The following CNTN5 variants were observed in gnomAD, a reference collection of about 807,000 sequenced individuals.
The protein encoded by CNTN5 is contactin-5.
In CNTN5, 77 loss-of-function variants were observed where a neutral mutation model predicts 129.1. The observed-to-expected ratio is 0.60, with a 90% CI of 0.50 to 0.72. CNTN5 has a LOEUF of 0.72. Among genes scored for constraint, CNTN5 ranks in the 30% least tolerant of loss-of-function variants. CNTN5 has a pLI of 0.00. For synonymous variants in CNTN5, 509 were observed against 465.6 expected, an observed-to-expected ratio of 1.09 and a Z score of -1.20; for missense variants, 1,478 against 1,328.8, an observed-to-expected ratio of 1.11 and a Z score of -1.75.
intron 3 of CNTN5, among the ~76,000 whole-genome samples, chr11:99,773,662 A>G (rs1945019937): frequency 6.6e-6 from 1 of 151,906 alleles, no homozygotes; most frequent in African/African-American, 2.4e-5. Flanking sequence ...ATAATTTTTT[A>G]AAGTGATAAT....
intron 2 of CNTN5, among the ~76,000 whole-genome samples, chr11:99,431,903 T>C (rs969205471): frequency 6.6e-6 from 1 of 151,892 alleles, no homozygotes; most frequent in Non-Finnish European, 1.5e-5. Flanking sequence ...GACTTGAGTA[T>C]TTAAAGCAGA....
At chr11:99,565,680 A>C (rs577206919) in intron 3 of CNTN5, among the ~76,000 whole-genome samples, 2 of 152,278 alleles carry the variant, frequency 1.3e-5, no homozygotes, top group East Asian at 3.9e-4. Context: ...AATTGCCTAC[A>C]TTCTCCTATC....
intron 2 of CNTN5, among the ~76,000 whole-genome samples, chr11:99,494,482 T>A (rs189293536): frequency 6.6e-6 from 1 of 152,286 alleles, no homozygotes; most frequent in Non-Finnish European, 1.5e-5. Context: ...TTTTTAGATA[T>A]TGAATTTAAA....
intron 1 of CNTN5, among the ~76,000 whole-genome samples, chr11:99,043,152 T>C (rs915200064): frequency 3.9e-5 from 6 of 152,212 alleles, no homozygotes; most frequent in African/African-American, 1.4e-4. Flanking sequence ...TTTTAGAATT[T>C]TGTTAAGAAT....
At chr11:99,708,245 T>G (rs1954834185) in intron 3 of CNTN5, among the ~76,000 whole-genome samples, 2 of 151,766 alleles carry the variant, frequency 1.3e-5, no homozygotes, top group South Asian at 4.1e-4. Context: ...GAATTTAAAT[T>G]TTCAGACCTT....
At chr11:100,270,440 C>T (rs972510810) in intron 17 of CNTN5, among the ~76,000 whole-genome samples, 1 of 152,160 alleles carries the variant, frequency 6.6e-6, no homozygotes, top group Non-Finnish European at 1.5e-5. Flanking sequence ...TGTTTAGAAA[C>T]ATTTCCTAGA....
rs148424898 is a variant in CNTN5 at position 100,044,908 on chromosome 11, G to T, written c.981-16304G>T. Among the ~76,000 whole-genome samples the T allele has an allele frequency of 1.2e-3, 177 of 152,202 alleles. 1 individual carries two copies. Among genetic ancestry groups the T allele is most frequent in the African/African-American group, 4.1e-3 (172 of 41,544 alleles). On this transcript the variant is annotated intron_variant, in intron 9 of 24. Transcript: ENST00000524871. Reference sequence around the variant, plus strand: ...AGGAGTTAATAAACATAGTGAGACTGCTCACCCTGACAATTGACTACATAA... The same window carrying T: ...AGGAGTTAATAAACATAGTGAGACTTCTCACCCTGACAATTGACTACATAA...
intron 3 of CNTN5, among the ~76,000 whole-genome samples, chr11:99,806,617 GC>G (rs1401393817): frequency 6.6e-6 from 1 of 151,990 alleles, no homozygotes; most frequent in African/African-American, 2.4e-5. Flanking sequence ...GACCAGCTTG[GC>G]CAACATGGTG....
intron 9 of CNTN5, among the ~76,000 whole-genome samples, chr11:100,045,215 G>A (rs1942604996): frequency 6.6e-6 from 1 of 152,000 alleles, no homozygotes; most frequent in Non-Finnish European, 1.5e-5. Flanking sequence ...AAATAAAGTA[G>A]CTTAAAATGG....
chr11:100,319,238 C>T (rs570022893), intron 21 of CNTN5, among the ~76,000 whole-genome samples: 15 of 151,818 alleles, frequency 9.9e-5, no homozygotes, highest in East Asian at 9.7e-4. Flanking sequence ...CTGCAACCTC[C>T]GCCTCCTGGG....
intron 6 of CNTN5, among the ~76,000 whole-genome samples, chr11:99,876,346 T>A (rs1948632651): frequency 6.6e-6 from 1 of 152,176 alleles, no homozygotes. Flanking sequence ...TACTGATATA[T>A]GCCCCTGATA....
At chr11:99,508,501 A>G (rs1042223302) in intron 2 of CNTN5, among the ~76,000 whole-genome samples, 1 of 152,142 alleles carries the variant, frequency 6.6e-6, no homozygotes, top group African/African-American at 2.4e-5. Context: ...CTACCATTTC[A>G]TACAAGCGAC....
chr11:100,296,843 T>A (rs867652873), intron 18 of CNTN5, among the ~76,000 whole-genome samples: 2 of 151,632 alleles, frequency 1.3e-5, no homozygotes, highest in South Asian at 4.2e-4. Context: ...TTAAAAATGA[T>A]ATGCCGGAAT....
At chr11:99,871,993 T>C (rs1026943601) in intron 6 of CNTN5, among the ~76,000 whole-genome samples, 14 of 151,778 alleles carry the variant, frequency 9.2e-5, no homozygotes, top group African/African-American at 2.7e-4. Context: ...AACATAGCCC[T>C]TAGAGAAAAA....
At chr11:99,165,400 G>C (rs528212799) in intron 1 of CNTN5, among the ~76,000 whole-genome samples, 2 of 152,244 alleles carry the variant, frequency 1.3e-5, no homozygotes, top group East Asian at 3.9e-4. Context: ...TGGCATGTCA[G>C]GCCTTTTGGT....
At chr11:100,194,146 A>T (rs969668040) in intron 15 of CNTN5, among the ~76,000 whole-genome samples, 4 of 151,856 alleles carry the variant, frequency 2.6e-5, no homozygotes, top group African/African-American at 9.7e-5. Context: ...TCAAAGATAT[A>T]CTCATTTCTG....
At chr11:99,160,168 T>A (rs1373093659) in intron 1 of CNTN5, among the ~76,000 whole-genome samples, 1 of 152,246 alleles carries the variant, frequency 6.6e-6, no homozygotes, top group Admixed American at 6.5e-5. Context: ...GAGGACTTTG[T>A]AGTACTTGGG....
chr11:100,237,187 T>TTAAAAA (rs1949636431), intron 16 of CNTN5, among the ~76,000 whole-genome samples: 1 of 83,210 alleles, frequency 1.2e-5, no homozygotes, highest in African/African-American at 5.5e-5. Context: ...AGACTCCGTC[T>TTAAAAA]CAAAAAAAAA....
intron 3 of CNTN5, among the ~76,000 whole-genome samples, chr11:99,738,090 T>A (rs946231480): frequency 6.6e-6 from 1 of 152,164 alleles, no homozygotes. Context: ...CAAATTAGTT[T>A]AGATGGTCTT....
Sources: gnomAD v4.1 joint callset for allele counts (sites outside exome capture counted in the v4.1 genomes callset) on GRCh38, gnomAD v4.1.1 for gene constraint, MANE v1.5 for transcripts, NCBI Gene and HGNC (gene_info 2026-07-23, HGNC 2026-07-21) for gene names.